The following CNTN5 variants were observed in gnomAD, a reference collection of about 807,000 sequenced individuals.
CNTN5 encodes the protein contactin 5.
CNTN5 carries 77 observed loss-of-function variants against 129.1 expected under a neutral mutation model. The observed-to-expected ratio is 0.60, with a 90% CI of 0.50 to 0.72. The LOEUF (loss-of-function observed/expected upper bound fraction) is 0.72. CNTN5 is among the 30% of genes least tolerant of loss of function. The pLI, the probability that CNTN5 is intolerant of heterozygous loss-of-function variation, is 0.00. For synonymous variants in CNTN5, 509 were observed against 465.6 expected (o/e 1.09, Z -1.20); for missense variants, 1,478 against 1,328.8 (o/e 1.11, Z -1.75).
intron 3 of CNTN5, among the ~76,000 whole-genome samples, chr11:99,723,762 A>G (rs888088523): frequency 1.3e-5 from 2 of 151,524 alleles, no homozygotes; most frequent in African/African-American, 4.8e-5. Flanking sequence ...GTGTGTGTGT[A>G]TGTGTGTGTG....
intron 4 of CNTN5, among the ~76,000 whole-genome samples, chr11:99,822,188 A>G (rs1056351062): frequency 2.6e-5 from 4 of 152,178 alleles, no homozygotes; most frequent in Non-Finnish European, 5.9e-5. Context: ...CCCCAGACAG[A>G]GCAAAGATTT....
chr11:99,495,004 A>G (rs1328613569), intron 2 of CNTN5, among the ~76,000 whole-genome samples: 1 of 152,208 alleles, frequency 6.6e-6, no homozygotes, highest in East Asian at 1.9e-4. Flanking sequence ...AAAATCAAAA[A>G]CACTAAAAAG....
intron 3 of CNTN5, among the ~76,000 whole-genome samples, chr11:99,613,738 A>G (rs1174179494): frequency 6.6e-6 from 1 of 152,204 alleles, no homozygotes; most frequent in Admixed American, 6.5e-5. Context: ...TTTTATTCTG[A>G]GGATAATAGA....
At chr11:100,180,377 G>C (rs528479123) in intron 13 of CNTN5, among the ~76,000 whole-genome samples, 1 of 151,818 alleles carries the variant, frequency 6.6e-6, no homozygotes, top group African/African-American at 2.4e-5. Context: ...ATAGCCTTTT[G>C]GAAAATGGTG....
chr11:99,299,586 C>A (rs1212223120), intron 1 of CNTN5, among the ~76,000 whole-genome samples: 2 of 152,056 alleles, frequency 1.3e-5, no homozygotes, highest in African/African-American at 4.8e-5. Flanking sequence ...TCACTTATTG[C>A]CCATTGTATA....
chr11:99,318,624 A>T (rs1865442326), intron 1 of CNTN5, among the ~76,000 whole-genome samples: 1 of 152,038 alleles, frequency 6.6e-6, no homozygotes, highest in Non-Finnish European at 1.5e-5. Context: ...GGAAGTCTGC[A>T]TATTTTTTTC....
intron 13 of CNTN5, among the ~76,000 whole-genome samples, chr11:100,132,999 G>A (rs1946421129): frequency 6.6e-6 from 1 of 151,746 alleles, no homozygotes. Context: ...AAATTATTCA[G>A]GCCTTTATAA....
intron 18 of CNTN5, among the ~76,000 whole-genome samples, chr11:100,285,098 G>C (rs969213422): frequency 6.6e-6 from 1 of 152,170 alleles, no homozygotes; most frequent in Non-Finnish European, 1.5e-5. Context: ...CCTGGCACAT[G>C]ATAAATGCTC....
At chr11:99,192,481 G>C (rs985188810) in intron 1 of CNTN5, among the ~76,000 whole-genome samples, 2 of 151,762 alleles carry the variant, frequency 1.3e-5, no homozygotes. Flanking sequence ...ATATAAGTAA[G>C]TAGTAGATAG....
chr11:99,737,690 G>C (rs905041304), intron 3 of CNTN5, among the ~76,000 whole-genome samples: 1 of 151,946 alleles, frequency 6.6e-6, no homozygotes, highest in Non-Finnish European at 1.5e-5. Context: ...TTTAAAATTG[G>C]TGTAATTCCA....
intron 2 of CNTN5, among the ~76,000 whole-genome samples, chr11:99,420,186 T>C (rs947840554): frequency 6.6e-6 from 1 of 152,242 alleles, no homozygotes; most frequent in African/African-American, 2.4e-5. Flanking sequence ...TTGGTTCAAA[T>C]GCTCTTTTTG....
intron 16 of CNTN5, among the ~76,000 whole-genome samples, chr11:100,239,353 G>C (rs1475689484): frequency 4.6e-5 from 7 of 152,010 alleles, no homozygotes; most frequent in Non-Finnish European, 7.4e-5. Context: ...GTCATATTTA[G>C]AGGTCATAGT....
rs11220597 is a variant in CNTN5 at position 99,601,489 on chromosome 11, C to T, written c.55+45220C>T. Among the ~76,000 whole-genome samples, 1,008 of 152,206 alleles carry T rather than the reference C, an allele frequency of 6.6e-3. 5 individuals carry two copies. Among genetic ancestry groups the T allele is most frequent in the Non-Finnish European group, 0.01 (712 of 68,002 alleles). On this transcript the variant is annotated intron_variant, in intron 3 of 24. Coordinates refer to ENST00000524871, the MANE Select transcript of CNTN5 (RefSeq NM_014361.4). The stretch of plus-strand genomic sequence containing the variant: ...TTAAATCACACCTTCTAAACTTTGC[C>T]TAGAAATATCCCTTGAGAGTAAGAA...
At chr11:99,379,267 T>A (rs1940377702) in intron 2 of CNTN5, among the ~76,000 whole-genome samples, 1 of 150,752 alleles carries the variant, frequency 6.6e-6, no homozygotes, top group Non-Finnish European at 1.5e-5. Context: ...TATTAATTAA[T>A]TAATTATACG....
rs113813051 is a variant in CNTN5 at position 100,002,632 on chromosome 11, A to G, written c.980+496A>G. On this transcript the variant is annotated intron_variant, in intron 9 of 24. Coordinates refer to ENST00000524871, the MANE Select transcript of CNTN5 (RefSeq NM_014361.4). The stretch of plus-strand genomic sequence containing the variant: ...TTAATAGCACCAGCTGTCAATATGT[A>G]CAACATGTAATCATTTCCCAAATGA... Among the ~76,000 whole-genome samples the G allele has an allele frequency of 4.9e-3, 742 of 152,264 alleles. 5 individuals are homozygous for G. The highest frequency in any genetic ancestry group is 0.017 in the African/African-American group (689 of 41,570).
rs1297851531 is a variant in CNTN5 at position 100,061,327 on chromosome 11, A to C, written c.1096A>C (p.Ile366Leu). 6.2e-7 allele frequency: 1 copy of C among 1,613,336 alleles called. No homozygotes were observed. The change falls in exon 10 of 25, where the codon ATT becomes CTT. Residue 366 changes from isoleucine (I) to leucine (L), a missense_variant. Ile to Leu is a conservative substitution (Grantham distance 5). Coordinates refer to ENST00000524871, the MANE Select transcript of CNTN5 (RefSeq NM_014361.4). ...GAATGTACAGCTGGATGATGCAGGC[A>C]TTTATGAGTGCAGAGCTGAAAACTC... ...IPNVQLDDAG[I>L]YECRAENSRG...
At chr11:99,494,345 C>A (rs1056580509) in intron 2 of CNTN5, among the ~76,000 whole-genome samples, 2 of 152,068 alleles carry the variant, frequency 1.3e-5, no homozygotes, top group Non-Finnish European at 2.9e-5. Flanking sequence ...AGCTACGAGA[C>A]CTAAAACAGA....
intron 15 of CNTN5, among the ~76,000 whole-genome samples, chr11:100,202,781 A>G (rs994379204): frequency 1.3e-5 from 2 of 152,044 alleles, no homozygotes; most frequent in East Asian, 1.9e-4. Flanking sequence ...AAATGAGAAC[A>G]CTGAGCCCCA....
chr11:99,465,408 A>G (rs890733098), intron 2 of CNTN5, among the ~76,000 whole-genome samples: 2 of 152,132 alleles, frequency 1.3e-5, no homozygotes, highest in African/African-American at 2.4e-5. Context: ...TGCACTTTCT[A>G]TGCATTATAC....
Sources: allele counts gnomAD v4.1 joint callset (sites outside exome capture counted in the v4.1 genomes callset), GRCh38; gene constraint gnomAD v4.1.1; transcripts MANE v1.5; gene names NCBI Gene and HGNC (gene_info 2026-07-23, HGNC 2026-07-21).